The following CLCN5 variants were observed in gnomAD, a reference collection of about 807,000 sequenced individuals.
The protein encoded by CLCN5 is Cl-/H+ antiporter 5.
A neutral mutation model predicts 54.0 loss-of-function variants in CLCN5; 17 were observed. That is an observed-to-expected ratio of 0.31 (90% CI 0.22 to 0.47). The LOEUF is 0.47. CLCN5 is among the 20% of genes least tolerant of loss of function. The probability of loss-of-function intolerance (pLI) is 1.00; values close to 1 mark genes in which losing one functional copy is unlikely to be tolerated. For missense variants in CLCN5, 448 were observed against 646.7 expected, an observed-to-expected ratio of 0.69 and a Z score of 3.33; for synonymous variants, 222 against 233.0, an observed-to-expected ratio of 0.95 and a Z score of 0.43.
intron 4 of CLCN5, among the ~76,000 whole-genome samples, chrX:50,047,801 A>G (rs1188782771): frequency 9.0e-6 from 1 of 111,114 alleles, no homozygotes; most frequent in Admixed American, 9.6e-5. Context: ...TGTTTTTCTC[A>G]AGATTACAAT....
chrX:50,043,388 A>G (rs782061542), intron 4 of CLCN5, among the ~76,000 whole-genome samples: 1 of 112,225 alleles, frequency 8.9e-6, no homozygotes, highest in Non-Finnish European at 1.9e-5. Flanking sequence ...TTCTAGGCAT[A>G]TGAGAGTATT....
chrX:50,065,860 T>C (rs1173884448), intron 4 of CLCN5, among the ~76,000 whole-genome samples: 1 of 100,374 alleles, frequency 1.0e-5, no homozygotes, highest in Non-Finnish European at 2.0e-5. Context: ...ATGTCCTTTG[T>C]AGGGACATGG....
intron 4 of CLCN5, among the ~76,000 whole-genome samples, chrX:50,062,899 T>G (rs1932883359): frequency 9.3e-6 from 1 of 107,619 alleles, no homozygotes; most frequent in African/African-American, 3.5e-5. Flanking sequence ...AACCTGCTCC[T>G]GAATGACTAC....
chrX:50,009,727 TCC>T (rs1557182184), intron 3 of CLCN5: 2 of 386,740 alleles, frequency 5.2e-6, no homozygotes, highest in Non-Finnish European at 1.0e-5. Context: ...GCTCTGCTCT[TCC>T]TCTCTAATCC....
chrX:50,081,100 G>C (rs889727587), intron 8 of CLCN5, among the ~76,000 whole-genome samples: 2 of 112,044 alleles, frequency 1.8e-5, no homozygotes, highest in Non-Finnish European at 1.9e-5. Flanking sequence ...ACATGGGATG[G>C]TTAAAACCCT....
chrX:49,976,445 A>G (rs1230167443), intron 3 of CLCN5, among the ~76,000 whole-genome samples: 1 of 112,168 alleles, frequency 8.9e-6, no homozygotes, highest in Non-Finnish European at 1.9e-5. Flanking sequence ...AAATACTGCT[A>G]GATATGAGAA....
At chrX:49,946,349 C>T (rs192786864) in intron 3 of CLCN5, among the ~76,000 whole-genome samples, 1 of 111,364 alleles carries the variant, frequency 9.0e-6, no homozygotes, top group African/African-American at 3.3e-5. Context: ...TCACAGGCTG[C>T]AATCAAGGTG....
At chrX:50,015,789 T>C (rs1930759781) in intron 3 of CLCN5, among the ~76,000 whole-genome samples, 1 of 110,926 alleles carries the variant, frequency 9.0e-6, no homozygotes, top group Admixed American at 9.7e-5. Context: ...CATTGCAAAT[T>C]TATAGTGTTC....
At chrX:50,073,420 A>G (rs1933296730) in intron 6 of CLCN5, among the ~76,000 whole-genome samples, 1 of 111,929 alleles carries the variant, frequency 8.9e-6, no homozygotes, top group African/African-American at 3.3e-5. Context: ...AAGCCCCACC[A>G]CTTGCTAGTT....
intron 3 of CLCN5, among the ~76,000 whole-genome samples, chrX:49,995,664 G>C (rs1378111130): frequency 8.9e-6 from 1 of 112,135 alleles, no homozygotes; most frequent in Non-Finnish European, 1.9e-5. Flanking sequence ...ATGGTAAGAC[G>C]TAATAAGTTT....
intron 3 of CLCN5, among the ~76,000 whole-genome samples, chrX:49,980,115 G>C (rs1287255184): frequency 9.0e-6 from 1 of 110,946 alleles, no homozygotes; most frequent in Admixed American, 9.6e-5. Flanking sequence ...TTGGAATGCT[G>C]AATTATATGT....
rs147765146 is a variant in CLCN5, at chrX:49,953,138, G to A, written c.16+27824G>A. Among the ~76,000 whole-genome samples the A allele has an allele frequency of 5.5e-3, 604 of 110,682 alleles. 3 individuals are homozygous for A. The highest frequency in any genetic ancestry group is 0.019 in the African/African-American group (565 of 30,389). ...AGATCACAGATGATCAGCCTGCCTC[G>A]GCCTCCCAAAGTACTGGGATTACAG... On this transcript the variant is annotated intron_variant, in intron 3 of 14. Coordinates refer to ENST00000376091, the MANE Select transcript of CLCN5 (RefSeq NM_001127898.4).
rs184848586 is a variant in CLCN5, at chrX:49,928,315, G to C, written c.16+3001G>C. 1.6e-3 allele frequency among the ~76,000 whole-genome samples: 176 copies of C among 111,863 alleles called. 1 individual carries two copies. Among genetic ancestry groups the C allele is most frequent in the African/African-American group, 5.5e-3 (170 of 30,806 alleles). ...TATCAATTTTTGAAAAGGGAGAAAA[G>C]TAGAACACCTGATAGGCTTGGTGTG... On this transcript the variant is annotated intron_variant, in intron 3 of 14. Coordinates refer to ENST00000376091, the MANE Select transcript of CLCN5 (RefSeq NM_001127898.4).
chrX:50,096,291 TAA>T lies in CLCN5; in HGVS notation c.*4073_*4074del, dbSNP rs782635606. 18 of 112,039 alleles carry T rather than the reference TAA, an allele frequency of 1.6e-4. No homozygotes were observed. Among genetic ancestry groups the T allele is most frequent in the Admixed American group, 1.9e-4 (2 of 10,599 alleles). 9.2% of individuals were successfully genotyped at this position (112,039 alleles called of 1,213,427 possible). On this transcript the variant is annotated 3_prime_UTR_variant, in exon 15 of 15. Transcript: ENST00000376091. ...GATGTCTAAATATGTAGTCTGAACT[TAA>T]GTGTCCTAAAACCTTGTTTTTTGTT...
intron 3 of CLCN5, among the ~76,000 whole-genome samples, chrX:50,041,285 G>A (rs782717748): frequency 6.9e-4 from 77 of 111,681 alleles, no homozygotes; most frequent in Non-Finnish European, 1.3e-3. Flanking sequence ...ACTTTTCTGG[G>A]TATGATTTTT....
chrX:49,943,956 G>T (rs782470171), intron 3 of CLCN5, among the ~76,000 whole-genome samples: 31 of 111,401 alleles, frequency 2.8e-4, no homozygotes, highest in South Asian at 3.8e-4. Context: ...ATTGGTAGCT[G>T]GATGGGGATG....
At chrX:50,049,226 T>G (rs1366579623) in intron 4 of CLCN5, among the ~76,000 whole-genome samples, 1 of 112,206 alleles carries the variant, frequency 8.9e-6, no homozygotes, top group African/African-American at 3.2e-5. Context: ...AAATTTTTAC[T>G]GTACTTTTCT....
chrX:50,093,004 G>T lies in CLCN5; in HGVS notation c.*785G>T, dbSNP rs782471261. 2 of 112,208 alleles carry T rather than the reference G, an allele frequency of 1.8e-5. No individual in the cohort carries two copies. Among genetic ancestry groups the T allele is most frequent in the African/African-American group, 3.2e-5 (1 of 30,843 alleles). 9.2% of individuals were successfully genotyped at this position (112,208 alleles called of 1,213,427 possible). A position where few individuals can be genotyped will look rare whatever the true frequency, so the allele number is the denominator to read the frequency against. On this transcript the variant is annotated 3_prime_UTR_variant, in exon 15 of 15. Transcript: ENST00000376091. Reference sequence around the variant, plus strand: ...TTAGCTGGTAGACAAGGACTTTGCCGTGAATTTGTTAGTAGCAAGGAATGA... The same window carrying T: ...TTAGCTGGTAGACAAGGACTTTGCCTTGAATTTGTTAGTAGCAAGGAATGA...
intron 3 of CLCN5, among the ~76,000 whole-genome samples, chrX:50,033,684 G>A (rs1931843943): frequency 9.0e-6 from 1 of 111,183 alleles, no homozygotes; most frequent in South Asian, 3.8e-4. Flanking sequence ...AGTTCATATG[G>A]AACCAAAAAA....
Sources: allele counts gnomAD v4.1 joint callset (sites outside exome capture counted in the v4.1 genomes callset), GRCh38; gene constraint gnomAD v4.1.1; transcripts MANE v1.5; gene names NCBI Gene and HGNC (gene_info 2026-07-23, HGNC 2026-07-21).